The following GLB1L3 variants were observed in gnomAD, a reference collection of about 807,000 sequenced individuals.
GLB1L3 encodes galactosidase beta 1 like 3.
GLB1L3 carries 89 observed loss-of-function variants against 89.5 expected under a neutral mutation model. That is an observed-to-expected ratio of 0.99 (90% confidence interval 0.84 to 1.19). The LOEUF (loss-of-function observed/expected upper bound fraction) is 1.19. Among genes scored for constraint, GLB1L3 ranks in the 50% most tolerant of loss-of-function variants. The pLI, the probability that GLB1L3 is intolerant of heterozygous loss-of-function variation, is 0.00. For missense variants in GLB1L3, 812 were observed against 813.3 expected (o/e 1.00, Z 0.02); for synonymous variants, 314 against 312.3 (o/e 1.01, Z -0.06).
intron 9 of GLB1L3, chr11:134,305,089 T>A (rs1942131430): frequency 6.5e-7 from 1 of 1,548,714 alleles, no homozygotes; most frequent in African/African-American, 1.4e-5. Flanking sequence ...TTTACCCATC[T>A]TCCTTTTTGC....
chr11:134,299,925 T>C (rs1287883430), intron 9 of GLB1L3, among the ~76,000 whole-genome samples: 1 of 152,138 alleles, frequency 6.6e-6, no homozygotes, highest in African/African-American at 2.4e-5. Flanking sequence ...CCAGTTAAGA[T>C]GTCCTTAAGT....
intron 7 of GLB1L3, among the ~76,000 whole-genome samples, chr11:134,290,230 C>T (rs1941270865): frequency 6.6e-6 from 1 of 152,056 alleles, no homozygotes; most frequent in South Asian, 2.1e-4. Context: ...TGTATTCAGC[C>T]AGCATTATTT....
Position 134,281,898 on chromosome 11 carries a change from T to C in GLB1L3, c.432-127T>C. 4.0e-6 allele frequency: 3 copies of C among 748,698 alleles called. No homozygotes were observed. In the South Asian group the frequency reaches 5.3e-5, roughly 13 times the overall value. 46.4% of individuals were successfully genotyped at this position (748,698 alleles called of 1,614,324 possible). On this transcript the variant is annotated intron_variant, in intron 4 of 19. Transcript: ENST00000431683. ...CGACCTGGTGTGGGAGTCCCCACGC[T>C]TTGGGGGTGGGGCCGAGCCGTCCCT...
At chr11:134,313,286 C>A in intron 15 of GLB1L3, 110 bp from the exon 16 acceptor site, 1 of 755,970 alleles carries the variant, frequency 1.3e-6, no homozygotes, top group Admixed American at 2.1e-5. Flanking sequence ...GGCCCTGGAG[C>A]CTCCTGTTCT....
intron 9 of GLB1L3, among the ~76,000 whole-genome samples, chr11:134,300,988 T>A (rs1941917463): frequency 1.3e-5 from 2 of 152,218 alleles, no homozygotes; most frequent in African/African-American, 4.8e-5. Context: ...TCAGAACAGC[T>A]GGTAGACTTG....
intron 10 of GLB1L3, among the ~76,000 whole-genome samples, chr11:134,308,226 C>A (rs868776404): frequency 7.2e-5 from 2 of 27,800 alleles, no homozygotes; most frequent in Admixed American, 2.2e-4. Flanking sequence ...ATCACCATCA[C>A]CACCACCACC....
Position 134,314,018 on chromosome 11 carries a change from T to A in GLB1L3, c.1657T>A (p.Phe553Ile). ...CTATTCCCTGGAGATGAAAATGAGC[T>A]TCTTTGAGAGGTATGCTCCAGCTGG... ...TIYSLEMKMS[F>I]FERLRSATWK... The change falls in exon 17 of 20, where the codon TTC becomes ATC. Residue 553 changes from phenylalanine (F) to isoleucine (I), a missense_variant. Around this residue, in one of 3 missense-constraint regions of GLB1L3, gnomAD observed 618 missense variants for 604.0 expected, o/e 1.02. Coordinates refer to ENST00000431683, the MANE Select transcript of GLB1L3 (RefSeq NM_001080407.3). 6.2e-7 allele frequency: 1 copy of A among 1,609,058 alleles called. No homozygotes were observed. Among genetic ancestry groups the A allele is most frequent in the Non-Finnish European group, 8.5e-7 (1 of 1,176,008 alleles).
chr11:134,314,590 C>T, intron 18 of GLB1L3, 149 bp downstream of exon 18: 1 of 664,340 alleles, frequency 1.5e-6, no homozygotes. Flanking sequence ...CAACATTGAT[C>T]AGTCTTCCTA....
intron 18 of GLB1L3, chr11:134,316,811 G>A (rs571333070): frequency 1.3e-5 from 2 of 152,102 alleles, no homozygotes; most frequent in Non-Finnish European, 1.5e-5. Context: ...TCCTTCATAC[G>A]GCTGTGTGGA....
At position 134,313,493 on chromosome 11, in the gene GLB1L3, T is replaced by A. The variant is rs1274684436; in HGVS notation, c.1579+19T>A. The A allele has an allele frequency of 6.4e-7, 1 of 1,556,432 alleles. No homozygotes were observed. The highest frequency in any genetic ancestry group is 8.7e-7 in the Non-Finnish European group (1 of 1,147,878). On this transcript the variant is annotated intron_variant, in intron 16 of 19. Transcript: ENST00000431683. Reference sequence around the variant, plus strand: ...CAGAAAGGTGGGCTCTGGCTGTGGCTTCTCCTCAGTTGCTCAGAACCGAAG... The same window carrying A: ...CAGAAAGGTGGGCTCTGGCTGTGGCATCTCCTCAGTTGCTCAGAACCGAAG...
Position 134,284,825 on chromosome 11 carries a change from A to AC in GLB1L3, c.636+986dup, listed in dbSNP as rs1022858561. Among the ~76,000 whole-genome samples, 151 of 144,128 alleles carry AC rather than the reference A, an allele frequency of 1.0e-3. 1 individual carries two copies. Among genetic ancestry groups the AC allele is most frequent in the African/African-American group, 3.8e-3 (144 of 38,300 alleles). 94.6% of individuals were successfully genotyped at this position (144,128 alleles called of 152,430 possible). On this transcript the variant is annotated intron_variant, in intron 6 of 19. Transcript: ENST00000431683. ...TTTATGTTGTAAAAAAATAACTTGC[A>AC]CCCCCCATTCCGTGTCTGTGTAAGT...
intron 9 of GLB1L3, 121 bp downstream of exon 9, chr11:134,293,330 C>G (rs1477756569): frequency 3.7e-6 from 3 of 807,018 alleles, no homozygotes; most frequent in Non-Finnish European, 6.0e-6. Context: ...CACCCTGGGT[C>G]CTCGGCAGGT....
At chr11:134,312,722 C>A in intron 14 of GLB1L3, 94 bp from the exon 15 acceptor site, 2 of 1,075,478 alleles carry the variant, frequency 1.9e-6, no homozygotes, top group Non-Finnish European at 2.8e-6. Context: ...CTGGTCCCTG[C>A]CTTCATACTG....
chr11:134,318,519 T>G, intron 18 of GLB1L3, 112 bp from the exon 19 acceptor site: 1 of 670,636 alleles, frequency 1.5e-6, no homozygotes, highest in Non-Finnish European at 2.7e-6. Flanking sequence ...TAAACTCACC[T>G]TCATTTGAGT....
intron 2 of GLB1L3, 108 bp from the exon 3 acceptor site, chr11:134,277,592 G>C: frequency 6.6e-7 from 1 of 1,509,164 alleles, no homozygotes; most frequent in South Asian, 1.1e-5. Context: ...CACAGAACAC[G>C]TCCTACTAAC....
chr11:134,288,914 C>G, intron 7 of GLB1L3, 24 bp downstream of exon 7: 2 of 1,489,486 alleles, frequency 1.3e-6, no homozygotes. Context: ...GGTTTGGCCC[C>G]ATGTTTACAT....
At chr11:134,307,394 C>G (rs1168468789) in intron 10 of GLB1L3, among the ~76,000 whole-genome samples, 186 bp downstream of exon 10, 1 of 152,150 alleles carries the variant, frequency 6.6e-6, no homozygotes. Flanking sequence ...GGTTCCCACC[C>G]CCAACAGAGT....
At position 134,277,884 on chromosome 11, in the gene GLB1L3, A is replaced by C; in HGVS notation, c.334A>C (p.Lys112Gln). The change falls in exon 3 of 20, where the codon AAG (lysine) becomes CAG (glutamine). Residue 112 changes from lysine (K) to glutamine (Q), a missense_variant. This residue lies in a region of GLB1L3 where 191 missense variants were observed against 191.4 expected (regional missense o/e 1.00). Coordinates refer to ENST00000431683, the MANE Select transcript of GLB1L3 (RefSeq NM_001080407.3). ...EYWRDRLLKL[K>Q]ACGFNTVTTY... ...CTGGAGGGACCGCCTGCTGAAGCTGAAGGCCTGTGGCTTCAATACTGTCAC... is the reference window on the plus strand; with the variant it reads ...CTGGAGGGACCGCCTGCTGAAGCTGCAGGCCTGTGGCTTCAATACTGTCAC... The C allele has an allele frequency of 6.2e-7, 1 of 1,613,992 alleles. No homozygotes were observed. The highest frequency in any genetic ancestry group is 1.7e-4 in the Middle Eastern group (1 of 6,056).
intron 9 of GLB1L3, among the ~76,000 whole-genome samples, chr11:134,302,005 C>A (rs1035363293): frequency 6.6e-6 from 1 of 152,006 alleles, no homozygotes; most frequent in African/African-American, 2.4e-5. Flanking sequence ...TTAATGCCTT[C>A]TTATCAATTT....
Sources: gnomAD v4.1 joint callset for allele counts (sites outside exome capture counted in the v4.1 genomes callset) on GRCh38, gnomAD v4.1.1 for gene constraint, gnomAD v4.1.1 regional missense constraint, MANE v1.5 for transcripts, NCBI Gene and HGNC (gene_info 2026-07-23, HGNC 2026-07-21) for gene names.